Variants in FLI1 observed in about 807,000 individuals in gnomAD.
FLI1 encodes the protein Friend leukemia integration 1 transcription factor.
FLI1 carries 13 observed loss-of-function variants against 53.1 expected under a neutral mutation model. The observed-to-expected ratio is 0.24, with a 90% CI of 0.16 to 0.39. The LOEUF (loss-of-function observed/expected upper bound fraction) is 0.39, where lower values mean the gene tolerates loss of function less well. Among genes scored for constraint, FLI1 ranks in the 10% least tolerant of loss-of-function variants. FLI1 has a pLI of 1.00. For missense variants in FLI1, 424 were observed against 600.5 expected, an observed-to-expected ratio of 0.71 and a Z score of 3.07; for synonymous variants, 244 against 236.7, an observed-to-expected ratio of 1.03 and a Z score of -0.28.
chr11:128,707,996 C>G (rs1188254841), intron 1 of FLI1, among the ~76,000 whole-genome samples: 2 of 152,122 alleles, frequency 1.3e-5, no homozygotes, highest in African/African-American at 4.8e-5. Flanking sequence ...GCATGCTTAA[C>G]TGTTGAAAAT....
chr11:128,781,152 G>A (rs1030567590), intron 4 of FLI1, among the ~76,000 whole-genome samples: 6 of 152,208 alleles, frequency 3.9e-5, no homozygotes, highest in East Asian at 1.9e-4. Context: ...AATTCAACGC[G>A]TGACTCCTCA....
chr11:128,778,603 T>G (rs1941816245), intron 4 of FLI1, among the ~76,000 whole-genome samples: 1 of 152,246 alleles, frequency 6.6e-6, no homozygotes, highest in Non-Finnish European at 1.5e-5. Context: ...AAGGGAATGC[T>G]GGCTCTGTAT....
chr11:128,750,663 A>G (rs535997762), intron 1 of FLI1, among the ~76,000 whole-genome samples: 1 of 152,302 alleles, frequency 6.6e-6, no homozygotes, highest in South Asian at 2.1e-4. Context: ...TGGTTTGCTC[A>G]TCGTTCATAT....
rs534994247 is a variant in FLI1, at chr11:128,694,436, C to G, written c.18+160C>G. The stretch of plus-strand genomic sequence containing the variant: ...CTCCTCCGGCGCTCGGGTGGCGAGT[C>G]CTACTCGCGGGCCAGCCGGCCAGGC... On this transcript the variant is annotated intron_variant, in intron 1 of 8. Transcript: ENST00000527786. 2.8e-3 allele frequency among the ~76,000 whole-genome samples: 433 copies of G among 152,236 alleles called. 6 individuals are homozygous for G. Among genetic ancestry groups the G allele is most frequent in the African/African-American group, 9.8e-3 (407 of 41,556 alleles).
chr11:128,713,166 T>C (rs890852417), intron 1 of FLI1, among the ~76,000 whole-genome samples: 2 of 152,222 alleles, frequency 1.3e-5, no homozygotes, highest in African/African-American at 4.8e-5. Context: ...GGTCCAACTC[T>C]ATGTAATGGT....
At chr11:128,796,392 A>C (rs532789519) in intron 5 of FLI1, among the ~76,000 whole-genome samples, 2 of 152,306 alleles carry the variant, frequency 1.3e-5, no homozygotes, top group East Asian at 3.9e-4. Flanking sequence ...GTTTTTTGCT[A>C]TGAGTCATAA....
At chr11:128,781,150 G>A (rs114703769) in intron 4 of FLI1, among the ~76,000 whole-genome samples, 198 of 152,298 alleles carry the variant, frequency 1.3e-3, no homozygotes, top group African/African-American at 4.5e-3. Context: ...AAAATTCAAC[G>A]CGTGACTCCT....
At chr11:128,799,043 A>ATTTTTTTT (rs1186555006) in intron 5 of FLI1, among the ~76,000 whole-genome samples, 103 of 128,650 alleles carry the variant, frequency 8.0e-4, no homozygotes, top group Middle Eastern at 4.3e-3. Flanking sequence ...TATTATTATT[A>ATTTTTTTT]TTATTATTAT....
intron 1 of FLI1, among the ~76,000 whole-genome samples, chr11:128,722,137 G>A (rs644571): frequency 0.16 from 23,639 of 152,106 alleles, 2,165 homozygotes; most frequent in East Asian, 0.32. Context: ...ACGTCCAGGA[G>A]GTTCATGTAA....
chr11:128,700,453 A>C (rs77625129), intron 1 of FLI1, among the ~76,000 whole-genome samples: 1,756 of 152,340 alleles, frequency 0.012, 38 homozygotes, highest in African/African-American at 0.04. Flanking sequence ...CTTGCATAGG[A>C]AACTATGGTA....
chr11:128,711,146 T>C (rs937660576), intron 1 of FLI1, among the ~76,000 whole-genome samples: 2 of 152,336 alleles, frequency 1.3e-5, no homozygotes, highest in Admixed American at 6.5e-5. Flanking sequence ...ATTGTGTTCT[T>C]TTTTCATTAA....
At chr11:128,768,362 T>G in intron 3 of FLI1, 90 bp downstream of exon 3, 14 of 1,499,932 alleles carry the variant, frequency 9.3e-6, no homozygotes, top group Non-Finnish European at 1.3e-5. Flanking sequence ...TGATACTCTA[T>G]TCCCTGTGGA....
intron 1 of FLI1, among the ~76,000 whole-genome samples, chr11:128,703,042 G>A (rs1251843716): frequency 3.9e-5 from 6 of 152,112 alleles, no homozygotes; most frequent in Non-Finnish European, 8.8e-5. Context: ...GCTATGAATA[G>A]ACAACACTAG....
At chr11:128,790,069 C>T (rs112148725) in intron 5 of FLI1, among the ~76,000 whole-genome samples, 42,599 of 143,274 alleles carry the variant, frequency 0.3, 6,080 homozygotes, top group Non-Finnish European at 0.33. Flanking sequence ...TGCATGCATG[C>T]GTGTGTGTGT....
At chr11:128,800,628 C>A (rs998447137) in intron 5 of FLI1, among the ~76,000 whole-genome samples, 1 of 151,782 alleles carries the variant, frequency 6.6e-6, no homozygotes, top group African/African-American at 2.4e-5. Flanking sequence ...AGAGACTTTG[C>A]GGAAAAAAAT....
chr11:128,807,342 C>A, intron 7 of FLI1, 103 bp downstream of exon 7: 2 of 685,674 alleles, frequency 2.9e-6, no homozygotes, highest in Non-Finnish European at 4.6e-6. Context: ...CATATGTTTT[C>A]TCTTATTTCT....
intron 1 of FLI1, among the ~76,000 whole-genome samples, chr11:128,757,046 TTCTTTC>T (rs1204636880): frequency 2.1e-5 from 1 of 47,552 alleles, no homozygotes; most frequent in Non-Finnish European, 4.2e-5. Context: ...AGCTAATTTT[TTCTTTC>T]TTTCTTTCTT....
Position 128,694,124 on chromosome 11 carries a change from G to T in FLI1, c.-135G>T. 1.2e-6 allele frequency: 1 copy of T among 837,298 alleles called. No individual in the cohort carries two copies. 51.9% of individuals were successfully genotyped at this position (837,298 alleles called of 1,614,324 possible). On this transcript the variant is annotated 5_prime_UTR_variant, in exon 1 of 9. Coordinates refer to ENST00000527786, the MANE Select transcript of FLI1 (RefSeq NM_002017.5). ...GTGCACAGGGGAGTGAGGGCAGGGC[G>T]CTCGCAGGGGGCACGCAGGGAGGGC...
At position 128,686,950 on chromosome 11, in the gene FLI1, C is replaced by T. The variant is rs139737211; in HGVS notation, c.-203+249C>T. 992 of 161,766 alleles carry T rather than the reference C, an allele frequency of 6.1e-3. 12 individuals are homozygous for T. Among genetic ancestry groups the T allele is most frequent in the African/African-American group, 0.022 (914 of 41,734 alleles). 10.0% of individuals were successfully genotyped at this position (161,766 alleles called of 1,614,324 possible). A position where few individuals can be genotyped will look rare whatever the true frequency, so the allele number is the denominator to read the frequency against. ...GGAAACTTGGAGCAGGAGAGCCTGG[C>T]GAAGCCTGTGCAGGAAGACCGAGCA... On this transcript the variant is annotated intron_variant, in intron 1 of 6. Transcript: ENST00000344954.
Sources: allele counts gnomAD v4.1 joint callset (sites outside exome capture counted in the v4.1 genomes callset), GRCh38; gene constraint gnomAD v4.1.1; transcripts MANE v1.5; gene names NCBI Gene and HGNC (gene_info 2026-07-23, HGNC 2026-07-21).